Variants in PRRC2A observed in about 807,000 individuals in gnomAD.
PRRC2A encodes the protein protein PRRC2A.
PRRC2A carries 59 observed loss-of-function variants against 224.6 expected under a neutral mutation model. The observed-to-expected ratio is 0.26, with a 90% confidence interval of 0.21 to 0.33. PRRC2A has a LOEUF of 0.33. Among genes scored for constraint, PRRC2A ranks in the 10% least tolerant of loss-of-function variants. PRRC2A has a pLI of 1.00. For synonymous variants in PRRC2A, 1,194 were observed against 1,109.5 expected (o/e 1.08, Z -1.51); for missense variants, 3,095 against 2,880.7 (o/e 1.07, Z -1.70).
In PRRC2A at chr6:31,629,197, C is replaced by T. The variant is rs1175958797; in HGVS notation, c.1819C>T (p.Pro607Ser). 10 of 1,614,020 alleles carry T rather than the reference C, an allele frequency of 6.2e-6. No homozygotes were observed. The highest frequency in any genetic ancestry group is 6.8e-6 in the Non-Finnish European group (8 of 1,180,038). ...EGPEPPEEVP[P>S]PTTPPVPKVE... ...TCCTGAACCACCAGAAGAGGTTCCT[C>T]CTCCTACCACACCCCCAGTTCCAAA... Residue 607 changes from proline (P) to serine (S), a missense_variant, in exon 13 of 31, where the codon CCT becomes TCT. By Grantham distance (74) the Pro-to-Ser change is moderately conservative. Around this residue, in one of 8 missense-constraint regions of PRRC2A, gnomAD observed 2,001 missense variants for 1,764.9 expected, o/e 1.13. Transcript: ENST00000376033.
chr6:31,629,451 T>C, intron 13 of PRRC2A, 97 bp from the exon 14 acceptor site: 1 of 1,444,000 alleles, frequency 6.9e-7, no homozygotes, highest in Non-Finnish European at 9.6e-7. Context: ...GTCTCCATTG[T>C]CACGCCAATT....
chr6:31,635,759 G>A lies in PRRC2A; in HGVS notation c.5541+10G>A, dbSNP rs776281776. On this transcript the variant is annotated intron_variant, in intron 24 of 30. Coordinates refer to ENST00000376033, the MANE Select transcript of PRRC2A (RefSeq NM_004638.4). ...GCCTTCCAGTTCTCAGGTAGGCCCC[G>A]CTTCCCATTGCATGACCCCTTCAGT... 1.7e-5 allele frequency: 27 copies of A among 1,569,522 alleles called. No individual in the cohort carries two copies. The highest frequency in any genetic ancestry group is 2.2e-5 in the Non-Finnish European group (25 of 1,159,674).
intron 1 of PRRC2A, among the ~76,000 whole-genome samples, chr6:31,621,195 C>G (rs937622681): frequency 1.3e-4 from 10 of 77,896 alleles, no homozygotes; most frequent in African/African-American, 4.2e-4. Flanking sequence ...GCCCCCTCCC[C>G]GGCTGCCGCC....
Position 31,636,530 on chromosome 6 carries a change from C to G in PRRC2A, c.5856C>G (p.Ser1952=), listed in dbSNP as rs769958324. The G allele has an allele frequency of 6.2e-7, 1 of 1,609,288 alleles. No individual in the cohort carries two copies. ...SLLQVRQDLP[S]PSDFYSTPLQ... is the part of the protein sequence containing the mutation. Reference sequence around the variant, plus strand: ...GACAGGTACGCCAGGATCTGCCATCCCCTTCGGATTTTTATTCTACTCCTC... The same window carrying G: ...GACAGGTACGCCAGGATCTGCCATCGCCTTCGGATTTTTATTCTACTCCTC... Residue 1952 remains serine (S), a synonymous_variant, in exon 27 of 31, where the codon TCC becomes TCG. Coordinates refer to ENST00000376033, the MANE Select transcript of PRRC2A (RefSeq NM_004638.4). The surrounding 1 kb of genome is among the most constrained non-coding windows in gnomAD (Gnocchi z 4.3).
rs969086296 is a variant in PRRC2A at position 31,630,536 on chromosome 6, C to T, written c.2255-55C>T. 2.5e-6 allele frequency: 4 copies of T among 1,587,464 alleles called. No homozygotes were observed. The South Asian group carries it at 4.4e-5, about 18-fold the overall frequency. On this transcript the variant is annotated intron_variant, in intron 14 of 30. Transcript: ENST00000376033. ...ACCGCGAGGGGAGATGCTTTTTGGG[C>T]TGGAGGGCTTGTGACATGAATAGGA... is the stretch of plus-strand genomic sequence containing the variant.
At position 31,632,247 on chromosome 6, in the gene PRRC2A, C is replaced by T; in HGVS notation, c.3574C>T (p.Leu1192=). Residue 1192 remains leucine, a synonymous_variant, in exon 16 of 31, where the codon CTG becomes TTG. Transcript: ENST00000376033. ...CPGWSPPAKS[L]APKKPPTGPL... ...AGGCTGGAGCCCTCCAGCCAAGTCT[C>T]TGGCTCCCAAGAAACCTCCCACAGG... The T allele has an allele frequency of 3.1e-6, 5 of 1,612,970 alleles. No individual in the cohort carries two copies. Among genetic ancestry groups the T allele is most frequent in the South Asian group, 1.1e-5 (1 of 91,092 alleles).
chr6:31,634,804 T>C lies in PRRC2A; in HGVS notation c.4987T>C (p.Ser1663Pro). 6.2e-7 allele frequency: 1 copy of C among 1,612,864 alleles called. No homozygotes were observed. The highest frequency in any genetic ancestry group is 8.5e-7 in the Non-Finnish European group (1 of 1,179,980). Residue 1663 changes from serine to proline, a missense_variant, in exon 21 of 31, where the codon TCA becomes CCA. Around this residue, in one of 8 missense-constraint regions of PRRC2A, gnomAD observed 15 missense variants for 35.3 expected, o/e 0.42. Coordinates refer to ENST00000376033, the MANE Select transcript of PRRC2A (RefSeq NM_004638.4). ...VDLSGDSQVS[S>P]GPCSQRSSPD... ...CCTGAGTGGGGATTCTCAGGTGTCA[T>C]CAGGTCCCTGCAGCCAGCGAAGTTC...
chr6:31,634,485 G>C lies in PRRC2A; in HGVS notation c.4863G>C (p.Lys1621Asn). Reference sequence around the variant, plus strand: ...TCCCTTCTCCAGCCACTAGCCGAAAGAGTTACCGGCCCAGCTCCATGGAGC... The same window carrying C: ...TCCCTTCTCCAGCCACTAGCCGAAACAGTTACCGGCCCAGCTCCATGGAGC... Reference protein sequence around the residue: ...WNRLHTATSRKSYRPSSMEPW... With the variant: ...WNRLHTATSRNSYRPSSMEPW... The change falls in exon 20 of 31, where the codon AAG (lysine) becomes AAC (asparagine). Residue 1621 changes from lysine to asparagine, a missense_variant. Transcript: ENST00000376033. 1 of 1,612,978 alleles carries C rather than the reference G, an allele frequency of 6.2e-7. No individual in the cohort carries two copies. The highest frequency in any genetic ancestry group is 8.5e-7 in the Non-Finnish European group (1 of 1,179,978).
At position 31,632,408 on chromosome 6, in the gene PRRC2A, T is replaced by C. The variant is rs750921993; in HGVS notation, c.3735T>C (p.His1245=). 8.7e-6 allele frequency: 14 copies of C among 1,609,530 alleles called. No homozygotes were observed. In the Admixed American group the frequency reaches 1.0e-4, roughly 12 times the overall value. Residue 1245 remains histidine (H), a synonymous_variant, in exon 16 of 31, where the codon CAT becomes CAC. Transcript: ENST00000376033. ...EDGERPRRRR[H]GRAQQQDKPP... The stretch of plus-strand genomic sequence containing the variant: ...GGGAGCGACCCCGAAGGAGGCGACA[T>C]GGGAGGGCTCAGCAGCAGGATAAAC...
Position 31,633,403 on chromosome 6 carries a change from G to A in PRRC2A, c.4344G>A (p.Pro1448=), listed in dbSNP as rs200399206. 8.4e-4 allele frequency: 1,347 copies of A among 1,612,878 alleles called. 2 individuals carry two copies. Among genetic ancestry groups the A allele is most frequent in the Non-Finnish European group, 1.0e-3 (1,220 of 1,179,920 alleles). The change falls in exon 17 of 31, where the codon CCG becomes CCA. Residue 1448 remains proline (P), a synonymous_variant. Coordinates refer to ENST00000376033, the MANE Select transcript of PRRC2A (RefSeq NM_004638.4). ...GTCGTCCTCCAGAGGAGCGTCCCCCGGGGCTTCCCCTGCCTCCCCCACCTC... is the reference window on the plus strand; with the variant it reads ...GTCGTCCTCCAGAGGAGCGTCCCCCAGGGCTTCCCCTGCCTCCCCCACCTC... The part of the protein sequence containing the change: ...NRSRPPEERP[P]GLPLPPPPPS...
chr6:31,631,854 C>G lies in PRRC2A; in HGVS notation c.3181C>G (p.Arg1061Gly), dbSNP rs1561822708. Residue 1061 changes from arginine to glycine, a missense_variant, in exon 16 of 31, where the codon CGA (arginine) becomes GGA (glycine). Around this residue, in one of 8 missense-constraint regions of PRRC2A, gnomAD observed 2,001 missense variants for 1,764.9 expected, o/e 1.13. Coordinates refer to ENST00000376033, the MANE Select transcript of PRRC2A (RefSeq NM_004638.4). This position sits in a 1 kb window ranked among gnomAD's most constrained non-coding sequence, Gnocchi z 4.5. ...GGAATTCCGCAGTTACCGAGAGTTT[C>G]GAGGAGATGATGGGCGTGGAGGTGG... ...SREFRSYREF[R>G]GDDGRGGGTG... 6.2e-6 allele frequency: 10 copies of G among 1,607,448 alleles called. No homozygotes were observed. Among genetic ancestry groups the G allele is most frequent in the Non-Finnish European group, 7.6e-6 (9 of 1,177,272 alleles).
rs1775997119 is a variant in PRRC2A, at chr6:31,627,114, G to C, written c.1206G>C (p.Glu402Asp). The change falls in exon 11 of 31, where the codon GAG (glutamate) becomes GAC (aspartate). Residue 402 changes from glutamate (E) to aspartate (D), a missense_variant. Glu to Asp is a conservative substitution (Grantham distance 45). Around this residue, in one of 8 missense-constraint regions of PRRC2A, gnomAD observed 2,001 missense variants for 1,764.9 expected, o/e 1.13. Coordinates refer to ENST00000376033, the MANE Select transcript of PRRC2A (RefSeq NM_004638.4). The surrounding 1 kb of genome is among the most constrained non-coding windows in gnomAD (Gnocchi z 5.6). Reference protein sequence around the residue: ...WAETSRPPETEPGPPAPKPPL... With the variant: ...WAETSRPPETDPGPPAPKPPL... The stretch of plus-strand genomic sequence containing the variant: ...AAACCTCTCGGCCTCCAGAGACAGA[G>C]CCGGGACCTCCTGCCCCAAAGCCTC... 6.2e-7 allele frequency: 1 copy of C among 1,613,910 alleles called. No individual in the cohort carries two copies. The highest frequency in any genetic ancestry group is 1.7e-5 in the Admixed American group (1 of 60,006).
Position 31,625,645 on chromosome 6 carries a change from A to G in PRRC2A, c.759+34A>G, listed in dbSNP as rs767729768. 5.6e-6 allele frequency: 9 copies of G among 1,604,524 alleles called. No individual in the cohort carries two copies. The highest frequency in any genetic ancestry group is 2.2e-5 in the East Asian group (1 of 44,812). ...TGGTGTCTTGTCTTGGAACGATTAC[A>G]CTGGAAGCTGGAGAGCTAGGAATCA... is the stretch of plus-strand genomic sequence containing the variant. On this transcript the variant is annotated intron_variant, in intron 7 of 30. Transcript: ENST00000376033. The surrounding 1 kb of genome is among the most constrained non-coding windows in gnomAD (Gnocchi z 4.1).
chr6:31,624,472 G>A lies in PRRC2A; in HGVS notation c.413G>A (p.Gly138Glu), dbSNP rs1412477724. ...CAGAACACTCCTTTGGTTCCAAGCG[G>A]GGTAAAGTCCTGGGCACAAGCCAGC... Reference protein sequence around the residue: ...APENTPLVPSGVKSWAQASVT... With the variant: ...APENTPLVPSEVKSWAQASVT... The change falls in exon 5 of 31, where the codon GGG becomes GAG. Residue 138 changes from glycine to glutamate, a missense_variant. This residue lies in a region of PRRC2A where 287 missense variants were observed against 275.3 expected (regional missense o/e 1.04). Transcript: ENST00000376033. The A allele has an allele frequency of 2.5e-6, 4 of 1,613,774 alleles. No individual in the cohort carries two copies. Among genetic ancestry groups the A allele is most frequent in the Non-Finnish European group, 3.4e-6 (4 of 1,179,770 alleles).
intron 2 of PRRC2A, among the ~76,000 whole-genome samples, 175 bp from the exon 3 acceptor site, chr6:31,623,557 C>A (rs1203394446): frequency 6.6e-6 from 1 of 152,120 alleles, no homozygotes; most frequent in Non-Finnish European, 1.5e-5. Flanking sequence ...TGTGAGCCAC[C>A]ACAATCAGCG....
chr6:31,624,414 C>T, intron 4 of PRRC2A, 36 bp from the exon 5 acceptor site: 1 of 1,608,336 alleles, frequency 6.2e-7, no homozygotes, highest in Non-Finnish European at 8.5e-7. Context: ...GCTGCCCCAC[C>T]CACATCATTT....
Position 31,631,909 on chromosome 6 carries a change from C to T in PRRC2A, c.3236C>T (p.Pro1079Leu). The T allele has an allele frequency of 2.5e-6, 4 of 1,612,382 alleles. No individual in the cohort carries two copies. Among genetic ancestry groups the T allele is most frequent in the Non-Finnish European group, 3.4e-6 (4 of 1,179,800 alleles). ...GTGGPNHPPAPRGRTASETRS... is the reference protein window; with the variant it reads ...GTGGPNHPPALRGRTASETRS... The stretch of plus-strand genomic sequence containing the variant: ...GGGGGACCAAACCACCCTCCTGCTC[C>T]CCGAGGCCGCACTGCCAGCGAGACA... The change falls in exon 16 of 31, where the codon CCC becomes CTC. Residue 1079 changes from proline to leucine, a missense_variant. Around this residue, in one of 8 missense-constraint regions of PRRC2A, gnomAD observed 2,001 missense variants for 1,764.9 expected, o/e 1.13. Coordinates refer to ENST00000376033, the MANE Select transcript of PRRC2A (RefSeq NM_004638.4). This position sits in a 1 kb window ranked among gnomAD's most constrained non-coding sequence, Gnocchi z 4.5.
Position 31,631,021 on chromosome 6 carries a change from G to T in PRRC2A, c.2466-118G>T. The T allele has an allele frequency of 1.6e-6, 2 of 1,287,180 alleles. No individual in the cohort carries two copies. The highest frequency in any genetic ancestry group is 2.9e-5 in the South Asian group (2 of 69,380). 79.7% of individuals were successfully genotyped at this position (1,287,180 alleles called of 1,614,324 possible). A position where few individuals can be genotyped will look rare whatever the true frequency, so the allele number is the denominator to read the frequency against. On this transcript the variant is annotated intron_variant, in intron 15 of 30. Transcript: ENST00000376033. This position sits in a 1 kb window ranked among gnomAD's most constrained non-coding sequence, Gnocchi z 4.5. ...GCCTCGGCAACTGGATGCCATCTCT[G>T]CCAAAACAAACAGAAAAATAGTAAA...
intron 9 of PRRC2A, 46 bp downstream of exon 9, chr6:31,626,208 A>G: frequency 6.3e-7 from 1 of 1,583,656 alleles, no homozygotes; most frequent in South Asian, 1.1e-5. Flanking sequence ...GAAAGGCAAA[A>G]CCTAATGAGG....
Sources: allele counts gnomAD v4.1 joint callset (sites outside exome capture counted in the v4.1 genomes callset), GRCh38; gene constraint gnomAD v4.1.1; regional missense constraint gnomAD v4.1.1; non-coding constraint Gnocchi (gnomAD v3.1); transcripts MANE v1.5; gene names NCBI Gene and HGNC (gene_info 2026-07-23, HGNC 2026-07-21).